Variants in PLA2G6 observed in about 807,000 individuals in gnomAD.
PLA2G6 encodes 85/88 kDa calcium-independent phospholipase A2.
Under a neutral mutation model 83.8 loss-of-function variants are expected in PLA2G6, and 62 were observed. The ratio of observed to expected loss-of-function variants is 0.74; its 90% CI spans 0.60 to 0.91. PLA2G6 has a LOEUF of 0.91. Among genes scored for constraint, PLA2G6 ranks in the 40% least tolerant of loss-of-function variants. The pLI is 0.00. For missense variants in PLA2G6, 944 were observed against 1,102.0 expected (o/e 0.86, Z 2.03); for synonymous variants, 417 against 449.8 (o/e 0.93, Z 0.92).
At chr22:38,136,336 C>T (rs572660358) in intron 5 of PLA2G6, 5 of 152,214 alleles carry the variant, frequency 3.3e-5, no homozygotes, top group Admixed American at 6.5e-5. Context: ...CGCCTGTAAT[C>T]CCAGCACTTT....
At chr22:38,112,823 G>C (rs1314309135) in intron 15 of PLA2G6, 2 of 593,812 alleles carry the variant, frequency 3.4e-6, no homozygotes, top group East Asian at 5.6e-5. Flanking sequence ...ATGAGTGGGG[G>C]AAAGGGTAGC....
At chr22:38,136,692 A>ACTTTCAAT (rs1193101038) in intron 5 of PLA2G6, 1 of 151,170 alleles carries the variant, frequency 6.6e-6, no homozygotes, top group Non-Finnish European at 1.5e-5. Flanking sequence ...ATCATTGTAT[A>ACTTTCAAT]CTTTCAATAG....
chr22:38,130,315 C>CAGTTT (rs1483431204), intron 7 of PLA2G6: 1 of 155,418 alleles, frequency 6.4e-6, no homozygotes, highest in Non-Finnish European at 1.4e-5. Flanking sequence ...GTTGTTGTTA[C>CAGTTT]TGTTTTGTTT....
At chr22:38,168,303 A>G (rs920350037) in intron 2 of PLA2G6, among the ~76,000 whole-genome samples, 4 of 152,238 alleles carry the variant, frequency 2.6e-5, no homozygotes, top group Admixed American at 2.6e-4. Flanking sequence ...GAGCGGAAAC[A>G]GGGATATCTG....
intron 3 of PLA2G6, chr22:38,143,613 C>T: frequency 4.4e-6 from 2 of 451,536 alleles, no homozygotes; most frequent in South Asian, 4.1e-5. Context: ...TTCACTTAAC[C>T]TTTCTGGGCG....
At position 38,162,378 on chromosome 22, in the gene PLA2G6, C is replaced by T. The variant is rs117290607; in HGVS notation, c.209+6840G>A. ...GCAGGAAGTATAGGTGAAGGAGTGACAATGACAGGCCATGGAGTCCATGCT... is the reference window on the plus strand; with the variant it reads ...GCAGGAAGTATAGGTGAAGGAGTGATAATGACAGGCCATGGAGTCCATGCT... On this transcript the variant is annotated intron_variant, in intron 2 of 16. Coordinates refer to ENST00000332509, the MANE Select transcript of PLA2G6 (RefSeq NM_003560.4). 3.6e-4 allele frequency among the ~76,000 whole-genome samples: 54 copies of T among 152,030 alleles called. 2 individuals carry two copies. In the East Asian group the frequency reaches 0.01, roughly 28 times the overall value.
intron 14 of PLA2G6, among the ~76,000 whole-genome samples, chr22:38,114,481 G>A (rs552232618): frequency 7.9e-5 from 12 of 152,282 alleles, no homozygotes; most frequent in South Asian, 2.1e-4. Flanking sequence ...CGCTGCGCCC[G>A]GCCGCTGCCT....
At chr22:38,125,206 A>G (rs527483633) in intron 10 of PLA2G6, among the ~76,000 whole-genome samples, 12 of 152,152 alleles carry the variant, frequency 7.9e-5, no homozygotes, top group African/African-American at 2.7e-4. Context: ...ATGTGTGTGC[A>G]TGCACGTGTG....
rs1287373393 is a variant in PLA2G6 at position 38,144,842 on chromosome 22, T to TAAAAG, written c.425+595_425+596insCTTTT. On this transcript the variant is annotated intron_variant, in intron 3 of 16. Transcript: ENST00000332509. The stretch of plus-strand genomic sequence containing the variant: ...TAACATAACGTAACATAAAATAAAA[T>TAAAAG]AAAATAAAATAAAATAAAATAAAAT... 3 of 193,398 alleles carry TAAAAG rather than the reference T, an allele frequency of 1.6e-5. No homozygotes were observed. The East Asian group carries it at 5.3e-4, about 34-fold the overall frequency. The allele number at this position is 193,398 out of a possible 1,614,324, so 12.0% of individuals were successfully genotyped here. A position where few individuals can be genotyped will look rare whatever the true frequency, so the allele number is the denominator to read the frequency against.
chr22:38,115,455 T>C, intron 14 of PLA2G6, 72 bp downstream of exon 14: 1 of 1,460,180 alleles, frequency 6.8e-7, no homozygotes, highest in Non-Finnish European at 9.5e-7. Flanking sequence ...GGTCGGTCCC[T>C]AGCATGGTTT....
chr22:38,120,653 TG>T, intron 12 of PLA2G6, 105 bp downstream of exon 12: 1 of 1,365,638 alleles, frequency 7.3e-7, no homozygotes. Context: ...CCCTCAAGCG[TG>T]GGGCGCTCTT....
intron 2 of PLA2G6, among the ~76,000 whole-genome samples, chr22:38,168,867 C>A (rs2090326800): frequency 2.0e-5 from 3 of 152,072 alleles, no homozygotes; most frequent in African/African-American, 7.2e-5. Context: ...AAACCAAAAC[C>A]AAAAATAAAG....
Position 38,152,397 on chromosome 22 carries a change from G to A in PLA2G6, c.210-6744C>T, listed in dbSNP as rs144323906. Reference sequence around the variant, plus strand: ...TTTGTATTTTTTTTAGTAGAGACAGGGTTTCTCCATGTTGGTCAGGCTGGT... The same window carrying A: ...TTTGTATTTTTTTTAGTAGAGACAGAGTTTCTCCATGTTGGTCAGGCTGGT... On this transcript the variant is annotated intron_variant, in intron 2 of 16. Transcript: ENST00000332509. Among the ~76,000 whole-genome samples the A allele has an allele frequency of 9.1e-3, 1,371 of 150,122 alleles. 8 individuals carry two copies. Among genetic ancestry groups the A allele is most frequent in the Middle Eastern group, 0.034 (10 of 292 alleles).
At chr22:38,170,123 G>C (rs1484116514) in intron 1 of PLA2G6, among the ~76,000 whole-genome samples, 2 of 151,576 alleles carry the variant, frequency 1.3e-5, no homozygotes. Context: ...ACTTGAACCC[G>C]GGAGGCAGAG....
chr22:38,127,018 T>C (rs2087902083), intron 9 of PLA2G6: 1 of 1,077,076 alleles, frequency 9.3e-7, no homozygotes, highest in Non-Finnish European at 1.1e-6. Context: ...AGGCCCACCA[T>C]CCACTCTGTC....
At chr22:38,148,859 CTTT>C (rs200966258) in intron 2 of PLA2G6, 307 of 152,336 alleles carry the variant, frequency 2.0e-3, no homozygotes, top group South Asian at 7.2e-3. Flanking sequence ...TAGATTATTT[CTTT>C]TTTTTTTTTT....
intron 3 of PLA2G6, chr22:38,143,868 G>A (rs2089072237): frequency 9.8e-6 from 2 of 203,844 alleles, no homozygotes; most frequent in African/African-American, 2.3e-5. Flanking sequence ...TCAGCCTCCC[G>A]AGTAGCTGGG....
intron 12 of PLA2G6, chr22:38,116,531 G>A (rs561591973): frequency 4.3e-6 from 2 of 467,580 alleles, no homozygotes; most frequent in South Asian, 3.4e-5. Flanking sequence ...AGAAAAGGGG[G>A]CCGCACCAAC....
At chr22:38,169,838 TA>T (rs1249830394) in intron 1 of PLA2G6, among the ~76,000 whole-genome samples, 20 of 152,314 alleles carry the variant, frequency 1.3e-4, no homozygotes, top group African/African-American at 4.6e-4. Flanking sequence ...TTATAGGCAG[TA>T]ATGCCCTGGG....
Sources: allele counts gnomAD v4.1 joint callset (sites outside exome capture counted in the v4.1 genomes callset), GRCh38; gene constraint gnomAD v4.1.1; transcripts MANE v1.5; gene names NCBI Gene and HGNC (gene_info 2026-07-23, HGNC 2026-07-21).